Variants in LONP2 observed in about 807,000 individuals in gnomAD.
LONP2 encodes lon peptidase 2, peroxisomal.
A neutral mutation model predicts 85.6 loss-of-function variants in LONP2; 60 were observed. That is an observed-to-expected ratio of 0.70 (90% CI 0.57 to 0.87). LONP2 has a LOEUF of 0.87. LONP2 is among the 40% of genes least tolerant of loss of function. The pLI is 0.00. For synonymous variants in LONP2, 395 were observed against 389.7 expected, an observed-to-expected ratio of 1.01 and a Z score of -0.16; for missense variants, 860 against 1,063.5, an observed-to-expected ratio of 0.81 and a Z score of 2.66.
intron 1 of LONP2, among the ~76,000 whole-genome samples, chr16:48,246,368 A>T (rs58315149): frequency 0.012 from 1,867 of 152,168 alleles, 40 homozygotes; most frequent in African/African-American, 0.043. Flanking sequence ...TTCCCAAATT[A>T]TTTTGCCTTC....
intron 12 of LONP2, among the ~76,000 whole-genome samples, chr16:48,346,691 C>T (rs976854599): frequency 3.9e-5 from 6 of 152,070 alleles, no homozygotes; most frequent in Admixed American, 3.9e-4. Flanking sequence ...TGGGCTCAAG[C>T]GATCCTGTCG....
intron 5 of LONP2, 75 bp from the exon 6 acceptor site, chr16:48,262,703 A>G (rs1971903236): frequency 1.1e-6 from 1 of 871,874 alleles, no homozygotes. Context: ...CAAGAAAGAG[A>G]GCTGTGTTTG....
chr16:48,283,218 C>T (rs565280065), intron 8 of LONP2, among the ~76,000 whole-genome samples: 1 of 152,328 alleles, frequency 6.6e-6, no homozygotes, highest in Admixed American at 6.5e-5. Context: ...CAAAGGGAAG[C>T]AGCAAGTACT....
At chr16:48,349,200 T>C (rs543938122) in intron 14 of LONP2, among the ~76,000 whole-genome samples, 5 of 130,900 alleles carry the variant, frequency 3.8e-5, no homozygotes, top group South Asian at 2.2e-4. Flanking sequence ...CAGACTAGAC[T>C]ACAATTTTAG....
intron 11 of LONP2, among the ~76,000 whole-genome samples, chr16:48,308,074 C>T (rs978436889): frequency 1.3e-5 from 2 of 152,112 alleles, no homozygotes; most frequent in African/African-American, 4.8e-5. Flanking sequence ...CCCAGTAGGT[C>T]CCTCCTCCAA....
chr16:48,282,827 T>C (rs1234159991), intron 8 of LONP2, among the ~76,000 whole-genome samples: 1 of 152,020 alleles, frequency 6.6e-6, no homozygotes, highest in Admixed American at 6.6e-5. Context: ...CACATCTCAT[T>C]GTAAATCGAA....
At chr16:48,296,988 A>G (rs1422090087) in intron 9 of LONP2, among the ~76,000 whole-genome samples, 6 of 151,948 alleles carry the variant, frequency 3.9e-5, no homozygotes, top group African/African-American at 1.2e-4. Context: ...TTTTTAATGT[A>G]GAGTAGAATC....
intron 4 of LONP2, among the ~76,000 whole-genome samples, chr16:48,260,660 G>A (rs16946039): frequency 0.21 from 31,410 of 152,178 alleles, 3,960 homozygotes; most frequent in African/African-American, 0.35. Flanking sequence ...TGCTCCAGTA[G>A]TGGTTGTTTA....
intron 11 of LONP2, among the ~76,000 whole-genome samples, chr16:48,328,113 A>C (rs1596988619): frequency 6.6e-6 from 1 of 152,118 alleles, no homozygotes; most frequent in African/African-American, 2.4e-5. Flanking sequence ...GCTAAAGGAA[A>C]ACTAAGAATG....
chr16:48,279,482 G>A (rs1296240587), intron 8 of LONP2, among the ~76,000 whole-genome samples: 1 of 152,112 alleles, frequency 6.6e-6, no homozygotes, highest in Non-Finnish European at 1.5e-5. Flanking sequence ...AACCAAGCAG[G>A]GGAAGAATGA....
intron 6 of LONP2, among the ~76,000 whole-genome samples, chr16:48,263,536 T>A (rs1280618982): frequency 6.6e-6 from 1 of 152,224 alleles, no homozygotes; most frequent in Non-Finnish European, 1.5e-5. Flanking sequence ...TGGCAAGATT[T>A]CCTTCTTTTT....
intron 6 of LONP2, among the ~76,000 whole-genome samples, chr16:48,263,355 C>T (rs1301394287): frequency 6.6e-6 from 1 of 152,166 alleles, no homozygotes; most frequent in Non-Finnish European, 1.5e-5. Context: ...TTTCCTTCTC[C>T]TCTCATCCTG....
intron 6 of LONP2, 89 bp downstream of exon 6, chr16:48,262,961 G>C (rs1368453882): frequency 3.9e-6 from 3 of 775,420 alleles, no homozygotes; most frequent in Middle Eastern, 3.1e-4. Context: ...TCCACTGATT[G>C]TCGTACTGTT....
chr16:48,292,154 AAAAT>A (rs1249102140), intron 8 of LONP2, among the ~76,000 whole-genome samples: 1 of 152,240 alleles, frequency 6.6e-6, no homozygotes, highest in African/African-American at 2.4e-5. Context: ...TACATAAGAT[AAAAT>A]AAATATAGCG....
intron 11 of LONP2, among the ~76,000 whole-genome samples, chr16:48,333,730 A>G (rs772926460): frequency 2.0e-5 from 3 of 152,118 alleles, no homozygotes; most frequent in Admixed American, 2.0e-4. Flanking sequence ...ATACCTGATC[A>G]GACTCCTCTG....
chr16:48,344,960 T>C (rs1346514759), intron 12 of LONP2: 1 of 152,062 alleles, frequency 6.6e-6, no homozygotes, highest in Non-Finnish European at 1.5e-5. Flanking sequence ...CGGTCGCTAA[T>C]GTCTGTAATC....
chr16:48,281,778 A>T (rs1238524479), intron 8 of LONP2, among the ~76,000 whole-genome samples: 9 of 152,312 alleles, frequency 5.9e-5, no homozygotes, highest in African/African-American at 2.2e-4. Context: ...TGAAGTTCTT[A>T]CTTAATTCGA....
At chr16:48,350,002 C>T (rs963343875) in intron 14 of LONP2, among the ~76,000 whole-genome samples, 1 of 152,158 alleles carries the variant, frequency 6.6e-6, no homozygotes, top group African/African-American at 2.4e-5. Context: ...TCTGTAATCC[C>T]AGCACTTTGG....
intron 11 of LONP2, among the ~76,000 whole-genome samples, chr16:48,331,456 C>T (rs1959443818): frequency 6.6e-6 from 1 of 152,154 alleles, no homozygotes; most frequent in Admixed American, 6.5e-5. Context: ...CAGGCCAAAC[C>T]TTGAAATATC....
Sources: allele counts gnomAD v4.1 joint callset (sites outside exome capture counted in the v4.1 genomes callset), GRCh38; gene constraint gnomAD v4.1.1; transcripts MANE v1.5; gene names NCBI Gene and HGNC (gene_info 2026-07-23, HGNC 2026-07-21).